Variants in PEX5L observed in about 807,000 individuals in gnomAD.
PEX5L encodes the protein PEX5-related protein.
Under a neutral mutation model 84.0 loss-of-function variants are expected in PEX5L, and 30 were observed. That is an observed-to-expected ratio of 0.36 (90% confidence interval 0.27 to 0.48). PEX5L has a LOEUF of 0.48. Among genes scored for constraint, PEX5L ranks in the 20% least tolerant of loss-of-function variants. The pLI is 0.99. For synonymous variants in PEX5L, 270 were observed against 283.1 expected (o/e 0.95, Z 0.46); for missense variants, 533 against 754.6 (o/e 0.71, Z 3.44).
chr3:179,929,345 TA>T (rs1276287322), intron 2 of PEX5L, among the ~76,000 whole-genome samples: 1 of 152,136 alleles, frequency 6.6e-6, no homozygotes, highest in African/African-American at 2.4e-5. Flanking sequence ...ATAGAAAACC[TA>T]AAAGTTGATT....
chr3:179,908,714 T>C (rs986410198), intron 2 of PEX5L, among the ~76,000 whole-genome samples: 1 of 151,042 alleles, frequency 6.6e-6, no homozygotes. Context: ...TGAGAATATG[T>C]GGTGTTTGGT....
At chr3:179,918,945 A>G (rs1314368174) in intron 2 of PEX5L, among the ~76,000 whole-genome samples, 1 of 152,224 alleles carries the variant, frequency 6.6e-6, no homozygotes, top group Non-Finnish European at 1.5e-5. Context: ...AGAGTCCTCA[A>G]GTTCTACTCA....
At chr3:179,862,067 G>A (rs776544261) in intron 7 of PEX5L, among the ~76,000 whole-genome samples, 1 of 152,162 alleles carries the variant, frequency 6.6e-6, no homozygotes, top group Admixed American at 6.5e-5. Context: ...GCAGGGCCAC[G>A]TTCCCTCTGA....
intron 2 of PEX5L, among the ~76,000 whole-genome samples, chr3:179,905,538 C>T (rs1344157483): frequency 3.3e-5 from 5 of 152,136 alleles, no homozygotes; most frequent in Non-Finnish European, 7.4e-5. Context: ...GGATTACAGG[C>T]GTGAGCCACC....
intron 1 of PEX5L, among the ~76,000 whole-genome samples, chr3:179,987,411 GA>G (rs1299780377): frequency 1.3e-5 from 2 of 152,120 alleles, no homozygotes; most frequent in Non-Finnish European, 2.9e-5. Flanking sequence ...AGATGGCTCA[GA>G]AACTCAATAT....
chr3:180,032,539 TAAGA>T (rs1218315040), intron 1 of PEX5L, among the ~76,000 whole-genome samples: 1 of 152,166 alleles, frequency 6.6e-6, no homozygotes, highest in Non-Finnish European at 1.5e-5. Context: ...AGCAAAGGGT[TAAGA>T]AAGAAAGAAC....
intron 1 of PEX5L, among the ~76,000 whole-genome samples, chr3:180,009,750 C>T (rs765690131): frequency 2.0e-5 from 3 of 151,780 alleles, no homozygotes; most frequent in Non-Finnish European, 4.4e-5. Flanking sequence ...TGTCATTCTG[C>T]TATATAGTTG....
chr3:180,004,895 T>C lies in PEX5L; in HGVS notation c.21+31684A>G, dbSNP rs73059334. 8.8e-3 allele frequency among the ~76,000 whole-genome samples: 1,337 copies of C among 152,232 alleles called. 15 individuals are homozygous for C. Among genetic ancestry groups the C allele is most frequent in the African/African-American group, 0.031 (1,274 of 41,516 alleles). On this transcript the variant is annotated intron_variant, in intron 1 of 14. Coordinates refer to ENST00000467460, the MANE Select transcript of PEX5L (RefSeq NM_016559.3). ...ATGTGAAATGCATACTAGAATTAGT[T>C]AAAAATTGAGCATCTCATATTGATC...
At position 179,847,246 on chromosome 3, in the gene PEX5L, TGATA is replaced by T. The variant is rs1205362639; in HGVS notation, c.822+11812_822+11815del. On this transcript the variant is annotated intron_variant, in intron 8 of 14. Transcript: ENST00000467460. Reference sequence around the variant, plus strand: ...TATATATAGATATCTGTATATTGATTGATATATAGATAACTGTATATTGATTGAT... The same window carrying T: ...TATATATAGATATCTGTATATTGATTTATAGATAACTGTATATTGATTGAT... 1.8e-4 allele frequency among the ~76,000 whole-genome samples: 27 copies of T among 152,210 alleles called. No individual in the cohort carries two copies. The East Asian group carries it at 5.2e-3, about 29-fold the overall frequency.
chr3:179,881,887 C>T (rs956374144), intron 4 of PEX5L, among the ~76,000 whole-genome samples: 2 of 152,124 alleles, frequency 1.3e-5, no homozygotes, highest in Admixed American at 6.5e-5. Flanking sequence ...CCCTGAGATA[C>T]GAGGGATGTT....
intron 5 of PEX5L, among the ~76,000 whole-genome samples, chr3:179,877,721 G>A (rs919434978): frequency 1.3e-5 from 2 of 152,258 alleles, no homozygotes; most frequent in African/African-American, 2.4e-5. Flanking sequence ...GCCTTCCAAA[G>A]TGCTGGGATT....
rs1044348335 is a variant in PEX5L, at chr3:180,006,276, T to C, written c.21+30303A>G. ...CCAGGCCTTATATTCCCTTCGCCAC[T>C]TCCTTCTTTATTATTATTTTTTTTG... On this transcript the variant is annotated intron_variant, in intron 1 of 14. Transcript: ENST00000467460. 3.9e-5 allele frequency among the ~76,000 whole-genome samples: 6 copies of C among 152,300 alleles called. No homozygotes were observed. In the South Asian group the frequency reaches 1.2e-3, roughly 32 times the overall value.
At chr3:179,889,701 C>T (rs1757027231) in intron 3 of PEX5L, among the ~76,000 whole-genome samples, 1 of 152,076 alleles carries the variant, frequency 6.6e-6, no homozygotes, top group African/African-American at 2.4e-5. Context: ...AAACTCTGAG[C>T]CCCAGTGCTT....
chr3:179,989,657 C>T (rs186711906), intron 1 of PEX5L, among the ~76,000 whole-genome samples: 199 of 151,744 alleles, frequency 1.3e-3, no homozygotes, highest in Non-Finnish European at 2.5e-3. Context: ...TTTTTATTTC[C>T]CATAAACTTG....
chr3:179,988,661 G>A (rs1243013349), intron 1 of PEX5L, among the ~76,000 whole-genome samples: 2 of 152,160 alleles, frequency 1.3e-5, no homozygotes, highest in Admixed American at 6.5e-5. Context: ...GTGTAAATAC[G>A]TTTCTCAAGA....
At chr3:179,803,369 G>A (rs1480489581) in intron 14 of PEX5L, among the ~76,000 whole-genome samples, 1 of 152,062 alleles carries the variant, frequency 6.6e-6, no homozygotes, top group East Asian at 1.9e-4. Context: ...GGTAAATATT[G>A]ATAGATATAA....
chr3:179,844,795 A>G (rs1738692495), intron 8 of PEX5L, among the ~76,000 whole-genome samples: 1 of 152,208 alleles, frequency 6.6e-6, no homozygotes, highest in Non-Finnish European at 1.5e-5. Context: ...ATGCCACTGC[A>G]CTCCAGCCTG....
intron 1 of PEX5L, among the ~76,000 whole-genome samples, chr3:180,019,950 A>C (rs1790284719): frequency 6.6e-6 from 1 of 152,234 alleles, no homozygotes; most frequent in Admixed American, 6.5e-5. Flanking sequence ...GAAATCAAAC[A>C]ATTAGGCTTC....
chr3:179,861,375 T>C (rs1401708836), intron 7 of PEX5L, among the ~76,000 whole-genome samples: 2 of 152,128 alleles, frequency 1.3e-5, no homozygotes, highest in East Asian at 1.9e-4. Flanking sequence ...GGATCTGGAG[T>C]GGCAGAGGTC....
Sources: gnomAD v4.1 joint callset for allele counts (sites outside exome capture counted in the v4.1 genomes callset) on GRCh38, gnomAD v4.1.1 for gene constraint, MANE v1.5 for transcripts, NCBI Gene and HGNC (gene_info 2026-07-23, HGNC 2026-07-21) for gene names.